Variants in PARD3 observed in about 807,000 individuals in gnomAD.
PARD3 encodes par-3 family cell polarity regulator, also known as partitioning defective 3 homolog.
PARD3 carries 75 observed loss-of-function variants against 155.4 expected under a neutral mutation model. That is an observed-to-expected ratio of 0.48 (90% CI 0.40 to 0.58). PARD3 has a LOEUF of 0.58. Among genes scored for constraint, PARD3 ranks in the 20% least tolerant of loss-of-function variants. The pLI is 0.00. For synonymous variants in PARD3, 576 were observed against 610.5 expected, an observed-to-expected ratio of 0.94 and a Z score of 0.83; for missense variants, 1,642 against 1,721.7, an observed-to-expected ratio of 0.95 and a Z score of 0.82.
At chr10:34,814,150 G>A (rs1019079859) in intron 1 of PARD3, among the ~76,000 whole-genome samples, 2 of 152,154 alleles carry the variant, frequency 1.3e-5, no homozygotes, top group Admixed American at 1.3e-4. Flanking sequence ...CTCTTCCAAG[G>A]TTGTGCTTTC....
At chr10:34,193,917 C>T (rs1950826277) in intron 22 of PARD3, among the ~76,000 whole-genome samples, 1 of 152,180 alleles carries the variant, frequency 6.6e-6, no homozygotes, top group African/African-American at 2.4e-5. Context: ...GGTGCTCCTC[C>T]TCCTGTGACC....
intron 22 of PARD3, among the ~76,000 whole-genome samples, chr10:34,221,388 C>CCT (rs1952280106): frequency 8.3e-6 from 1 of 119,788 alleles, no homozygotes. Context: ...CAGGACTTGC[C>CCT]TTTTTTTTTT....
intron 1 of PARD3, among the ~76,000 whole-genome samples, chr10:34,786,755 C>A (rs1206933027): frequency 6.6e-6 from 1 of 152,210 alleles, no homozygotes; most frequent in African/African-American, 2.4e-5. Context: ...CTGACACTTA[C>A]TGCTTACTAG....
chr10:34,565,260 CTTT>C lies in PARD3; in HGVS notation c.223-48104_223-48102del, dbSNP rs59606413. On this transcript the variant is annotated intron_variant, in intron 2 of 24. Transcript: ENST00000374788. ...TCAGATAAAAGACAAAGGAGCAAGG[CTTT>C]TTTTTTTTTTTTTTTTTTTTTTTTG... 4.9e-3 allele frequency among the ~76,000 whole-genome samples: 194 copies of C among 39,596 alleles called. 1 individual carries two copies. Among genetic ancestry groups the C allele is most frequent in the African/African-American group, 0.021 (187 of 8,996 alleles). The allele number at this position is 39,596 out of a possible 152,430, so 26.0% of individuals were successfully genotyped here. A position where few individuals can be genotyped will look rare whatever the true frequency, so the allele number is the denominator to read the frequency against.
intron 2 of PARD3, among the ~76,000 whole-genome samples, chr10:34,559,501 T>C (rs1014230961): frequency 4.0e-5 from 6 of 151,108 alleles, no homozygotes; most frequent in East Asian, 1.9e-4. Context: ...TTTCACAGTA[T>C]TTCCTAAAGG....
At chr10:34,795,617 A>C (rs1842165884) in intron 1 of PARD3, among the ~76,000 whole-genome samples, 1 of 152,068 alleles carries the variant, frequency 6.6e-6, no homozygotes, top group Admixed American at 6.6e-5. Flanking sequence ...CTCAAAAAAA[A>C]ACCGGGCGTG....
At chr10:34,541,058 A>C (rs60727501) in intron 2 of PARD3, among the ~76,000 whole-genome samples, 8,349 of 152,274 alleles carry the variant, frequency 0.055, 685 homozygotes, top group African/African-American at 0.18. Context: ...CAAAAAATTA[A>C]ATAATAAAAA....
chr10:34,567,026 C>G (rs1162797136), intron 2 of PARD3, among the ~76,000 whole-genome samples: 1 of 151,954 alleles, frequency 6.6e-6, no homozygotes, highest in African/African-American at 2.4e-5. Context: ...TCTATAAAGA[C>G]TTGGAAATAA....
In PARD3 at chr10:34,268,938, TAAATA is replaced by T. The variant is rs926500779; in HGVS notation, c.3419+714_3419+718del. Among the ~76,000 whole-genome samples, 435 of 152,090 alleles carry T rather than the reference TAAATA, an allele frequency of 2.9e-3. 1 individual carries two copies. The highest frequency in any genetic ancestry group is 9.5e-3 in the African/African-American group (396 of 41,518). The stretch of plus-strand genomic sequence containing the variant: ...AACTTAAAGTATAATAAAAAATAAA[TAAATA>T]AAATAAGATAAAACACAAATAACAG... On this transcript the variant is annotated intron_variant, in intron 22 of 24. Coordinates refer to ENST00000374788, the MANE Select transcript of PARD3 (RefSeq NM_001184785.2).
In PARD3 at chr10:34,642,415, G is replaced by A. The variant is rs150695141; in HGVS notation, c.222+53903C>T. Among the ~76,000 whole-genome samples the A allele has an allele frequency of 3.3e-4, 47 of 140,414 alleles. No individual in the cohort carries two copies. The East Asian group carries it at 5.6e-3, about 17-fold the overall frequency. 92.1% of individuals were successfully genotyped at this position (140,414 alleles called of 152,430 possible). A position where few individuals can be genotyped will look rare whatever the true frequency, so the allele number is the denominator to read the frequency against. ...AGCCCCATCTGGCCCTGCCTCTCAC[G>A]GCCTTCCACTCACTCTGCCCCACAC... On this transcript the variant is annotated intron_variant, in intron 2 of 24. Transcript: ENST00000374788.
intron 2 of PARD3, among the ~76,000 whole-genome samples, chr10:34,611,488 C>A (rs926962814): frequency 6.6e-6 from 1 of 152,144 alleles, no homozygotes; most frequent in African/African-American, 2.4e-5. Context: ...AAGACACATG[C>A]AGGAGTAATT....
At chr10:34,203,445 G>A (rs1344035709) in intron 22 of PARD3, among the ~76,000 whole-genome samples, 7 of 152,112 alleles carry the variant, frequency 4.6e-5, no homozygotes, top group South Asian at 2.1e-4. Context: ...ACGGGGAATC[G>A]GTTCCAGGAC....
intron 2 of PARD3, among the ~76,000 whole-genome samples, chr10:34,633,518 G>A (rs145691138): frequency 6.6e-6 from 1 of 152,338 alleles, no homozygotes; most frequent in Non-Finnish European, 1.5e-5. Context: ...ACAGATGACA[G>A]AAGTTCTTCC....
intron 20 of PARD3, among the ~76,000 whole-genome samples, chr10:34,293,976 T>C (rs1398700739): frequency 6.6e-6 from 1 of 152,204 alleles, no homozygotes; most frequent in Non-Finnish European, 1.5e-5. Flanking sequence ...GCAGTCCCCA[T>C]AAGAAATGCT....
intron 2 of PARD3, among the ~76,000 whole-genome samples, chr10:34,551,654 C>T (rs1436796383): frequency 1.3e-5 from 2 of 152,172 alleles, no homozygotes; most frequent in Non-Finnish European, 2.9e-5. Flanking sequence ...TCGGCAGAGG[C>T]AGAAGGTTTC....
At chr10:34,620,579 G>C (rs1273405660) in intron 2 of PARD3, among the ~76,000 whole-genome samples, 8 of 152,176 alleles carry the variant, frequency 5.3e-5, no homozygotes, top group Non-Finnish European at 1.2e-4. Flanking sequence ...CTGGAAATTG[G>C]GATGGAGCAT....
chr10:34,402,174 A>C (rs1843957325), intron 5 of PARD3, among the ~76,000 whole-genome samples: 1 of 152,196 alleles, frequency 6.6e-6, no homozygotes, highest in South Asian at 2.1e-4. Context: ...ACAAAAAAAC[A>C]AAGAAAAAAC....
intron 19 of PARD3, among the ~76,000 whole-genome samples, chr10:34,317,620 T>A (rs966716162): frequency 1.3e-5 from 2 of 152,104 alleles, no homozygotes; most frequent in African/African-American, 4.8e-5. Flanking sequence ...AAGAATCAGA[T>A]TGTACACTAC....
chr10:34,751,235 G>A (rs1188681716), intron 1 of PARD3, among the ~76,000 whole-genome samples: 2 of 151,986 alleles, frequency 1.3e-5, no homozygotes, highest in African/African-American at 2.4e-5. Flanking sequence ...AAATAGCCTC[G>A]TATTTGGTAC....
Sources: gnomAD v4.1 joint callset for allele counts (sites outside exome capture counted in the v4.1 genomes callset) on GRCh38, gnomAD v4.1.1 for gene constraint, MANE v1.5 for transcripts, NCBI Gene and HGNC (gene_info 2026-07-23, HGNC 2026-07-21) for gene names.